Variants in CTNNA1 observed in about 807,000 individuals in gnomAD.
CTNNA1 encodes catenin alpha 1.
In CTNNA1, 37 loss-of-function variants were observed where a neutral mutation model predicts 98.4. The observed-to-expected ratio is 0.38, with a 90% CI of 0.29 to 0.49. The LOEUF is 0.49. CTNNA1 is among the 20% of genes least tolerant of loss of function. The probability of loss-of-function intolerance (pLI) is 0.95; values close to 1 mark genes in which losing one functional copy is unlikely to be tolerated. For synonymous variants in CTNNA1, 404 were observed against 413.2 expected (o/e 0.98, Z 0.27); for missense variants, 761 against 1,147.2 (o/e 0.66, Z 4.86).
At chr5:138,849,327 T>C (rs1444162104) in intron 7 of CTNNA1, among the ~76,000 whole-genome samples, 5 of 152,254 alleles carry the variant, frequency 3.3e-5, no homozygotes, top group African/African-American at 1.2e-4. Context: ...TGTTTTTGTT[T>C]TAACAAACCC....
intron 7 of CTNNA1, among the ~76,000 whole-genome samples, chr5:138,842,031 G>A (rs937183809): frequency 6.6e-6 from 1 of 152,152 alleles, no homozygotes; most frequent in African/African-American, 2.4e-5. Context: ...CCTTGCTCTT[G>A]TGTCTGTAAG....
intron 3 of CTNNA1, among the ~76,000 whole-genome samples, chr5:138,783,914 G>T (rs1254399756): frequency 6.6e-6 from 1 of 152,042 alleles, no homozygotes; most frequent in Non-Finnish European, 1.5e-5. Context: ...CATAAATCTG[G>T]GTATAAAGGA....
intron 9 of CTNNA1, among the ~76,000 whole-genome samples, chr5:138,896,958 T>C (rs984335389): frequency 1.3e-5 from 2 of 152,208 alleles, no homozygotes; most frequent in Non-Finnish European, 2.9e-5. Context: ...GAGCATTGTT[T>C]TACCTTTTAT....
chr5:138,825,849 C>CT (rs1430958364), intron 6 of CTNNA1, among the ~76,000 whole-genome samples: 1 of 152,092 alleles, frequency 6.6e-6, no homozygotes, highest in Admixed American at 6.5e-5. Flanking sequence ...ATAACAAACT[C>CT]TTATGGTGCA....
In CTNNA1 at chr5:138,901,471, T is replaced by C. The variant is rs1758016930; in HGVS notation, c.1297-2878T>C. Among the ~76,000 whole-genome samples the C allele has an allele frequency of 1.3e-5, 2 of 152,096 alleles. 1 individual carries two copies. Among genetic ancestry groups the C allele is most frequent in the African/African-American group, 4.8e-5 (2 of 41,384 alleles). On this transcript the variant is annotated intron_variant, in intron 9 of 17. Coordinates refer to ENST00000302763, the MANE Select transcript of CTNNA1 (RefSeq NM_001903.5). Reference sequence around the variant, plus strand: ...CACCACACCCAGCCTCTTTCTTTTTTTGGGACATGGTCTTGCAGTCATGGC... The same window carrying C: ...CACCACACCCAGCCTCTTTCTTTTTCTGGGACATGGTCTTGCAGTCATGGC...
At chr5:138,795,587 A>T (rs1756874419) in intron 3 of CTNNA1, among the ~76,000 whole-genome samples, 2 of 152,362 alleles carry the variant, frequency 1.3e-5, no homozygotes, top group South Asian at 2.1e-4. Flanking sequence ...ACCAAAAAGT[A>T]ACTTTCAAGA....
chr5:138,927,643 C>T (rs1369449412), intron 13 of CTNNA1, among the ~76,000 whole-genome samples: 1 of 152,086 alleles, frequency 6.6e-6, no homozygotes, highest in African/African-American at 2.4e-5. Flanking sequence ...TTAGAATATG[C>T]GAGAGGAATT....
At chr5:138,776,952 A>C (rs1754343436) in intron 1 of CTNNA1, among the ~76,000 whole-genome samples, 3 of 113,818 alleles carry the variant, frequency 2.6e-5, no homozygotes, top group Non-Finnish European at 3.5e-5. Flanking sequence ...CGGGGGGCTG[A>C]CTCCCCCACC....
Position 138,874,240 on chromosome 5 carries a change from T to C in CTNNA1, c.1063-11972T>C. ...AGATTAATTCCTTAAGTTTATATAGTCCTTGAAAAGCATCTTCTTTTACTG... is the reference window on the plus strand; with the variant it reads ...AGATTAATTCCTTAAGTTTATATAGCCCTTGAAAAGCATCTTCTTTTACTG... On this transcript the variant is annotated intron_variant, in intron 7 of 17. Coordinates refer to ENST00000302763, the MANE Select transcript of CTNNA1 (RefSeq NM_001903.5). This position sits in a 1 kb window ranked among gnomAD's most constrained non-coding sequence, Gnocchi z 4.1. The C allele has an allele frequency of 6.2e-7, 1 of 1,614,036 alleles. No homozygotes were observed. The highest frequency in any genetic ancestry group is 1.1e-5 in the South Asian group (1 of 91,078).
At chr5:138,831,231 G>A (rs1186614271) in intron 7 of CTNNA1, among the ~76,000 whole-genome samples, 1 of 152,066 alleles carries the variant, frequency 6.6e-6, no homozygotes, top group Non-Finnish European at 1.5e-5. Flanking sequence ...CTTTTTCTCT[G>A]AGGCAGTGAT....
At chr5:138,861,812 A>G (rs566142015) in intron 7 of CTNNA1, among the ~76,000 whole-genome samples, 6 of 152,370 alleles carry the variant, frequency 3.9e-5, no homozygotes, top group Non-Finnish European at 7.3e-5. Flanking sequence ...AAGATAGCTC[A>G]GATGAGTGAC....
At chr5:138,886,533 G>T (rs1315331243) in intron 8 of CTNNA1, among the ~76,000 whole-genome samples, 1 of 152,108 alleles carries the variant, frequency 6.6e-6, no homozygotes, top group Non-Finnish European at 1.5e-5. Flanking sequence ...AGTGTGAAAG[G>T]CATGTACAGG....
At chr5:138,913,811 C>T (rs1211193692) in intron 10 of CTNNA1, among the ~76,000 whole-genome samples, 1 of 152,042 alleles carries the variant, frequency 6.6e-6, no homozygotes, top group East Asian at 1.9e-4. Flanking sequence ...AGTTTCACAG[C>T]TCAGTGTCAT....
intron 6 of CTNNA1, among the ~76,000 whole-genome samples, chr5:138,826,873 C>T (rs1183569493): frequency 6.6e-6 from 1 of 152,226 alleles, no homozygotes; most frequent in Non-Finnish European, 1.5e-5. Context: ...TCATAGCTCA[C>T]TGCAGCCTTG....
chr5:138,797,989 T>C (rs1309583410), intron 3 of CTNNA1, among the ~76,000 whole-genome samples: 3 of 152,168 alleles, frequency 2.0e-5, no homozygotes, highest in South Asian at 2.1e-4. Flanking sequence ...TTCTGCACTA[T>C]AGACAGTGGA....
intron 3 of CTNNA1, among the ~76,000 whole-genome samples, chr5:138,802,968 AT>A (rs11314350): frequency 0.68 from 102,365 of 150,152 alleles, 34,975 homozygotes; most frequent in East Asian, 0.93. Flanking sequence ...TAGCTAATTA[AT>A]TTTTTTTTTT....
chr5:138,853,055 T>C (rs1405290830), intron 7 of CTNNA1, among the ~76,000 whole-genome samples: 2 of 152,164 alleles, frequency 1.3e-5, no homozygotes, highest in Non-Finnish European at 2.9e-5. Flanking sequence ...TCCCCTCCCA[T>C]GTGTTGTGTG....
chr5:138,800,707 G>A (rs1423742371), intron 3 of CTNNA1, among the ~76,000 whole-genome samples: 2 of 152,146 alleles, frequency 1.3e-5, no homozygotes, highest in Non-Finnish European at 2.9e-5. Context: ...GGAGGCTGAG[G>A]CAGGAGAATC....
At chr5:138,776,039 CTTTTTTTTTTTTTTT>C in intron 1 of CTNNA1, among the ~76,000 whole-genome samples, 1 of 83,886 alleles carries the variant, frequency 1.2e-5, no homozygotes, top group East Asian at 3.8e-4. Flanking sequence ...GGAAATGTTT[CTTTTTTTTTTTTTTT>C]TTTTTTTTTA....
Sources: gnomAD v4.1 joint callset for allele counts (sites outside exome capture counted in the v4.1 genomes callset) on GRCh38, gnomAD v4.1.1 for gene constraint, Gnocchi (gnomAD v3.1) non-coding constraint, MANE v1.5 for transcripts, NCBI Gene and HGNC (gene_info 2026-07-23, HGNC 2026-07-21) for gene names.